RFFL: variants seen among roughly 807,000 people sequenced by gnomAD.
The protein encoded by RFFL is ring finger and FYVE like domain containing E3 ubiquitin protein ligase.
A neutral mutation model predicts 40.4 loss-of-function variants in RFFL; 16 were observed. That is an observed-to-expected ratio of 0.40 (90% CI 0.27 to 0.60). The LOEUF (loss-of-function observed/expected upper bound fraction) is 0.60, where lower values mean the gene tolerates loss of function less well. Ranked by LOEUF, RFFL falls within the 20% of genes least tolerant of loss-of-function variation. The probability of loss-of-function intolerance (pLI) is 0.47; values close to 1 mark genes in which losing one functional copy is unlikely to be tolerated. For missense variants in RFFL, 367 were observed against 451.7 expected (o/e 0.81, Z 1.70); for synonymous variants, 154 against 167.9 (o/e 0.92, Z 0.64).
At chr17:35,038,423 C>T (rs2091140297) in intron 1 of RFFL, among the ~76,000 whole-genome samples, 1 of 152,174 alleles carries the variant, frequency 6.6e-6, no homozygotes, top group African/African-American at 2.4e-5. Flanking sequence ...ACATCTCTTT[C>T]CATGGCTTTG....
chr17:35,086,583 G>C (rs1390257887), intron 1 of RFFL, among the ~76,000 whole-genome samples: 1 of 151,616 alleles, frequency 6.6e-6, no homozygotes, highest in African/African-American at 2.4e-5. Flanking sequence ...AAAATAACCA[G>C]TAATCATCAT....
At chr17:35,066,139 A>G (rs1222692007), upstream of RFFL, among the ~76,000 whole-genome samples, 1 of 152,158 alleles carries the variant, frequency 6.6e-6, no homozygotes, top group African/African-American at 2.4e-5. Context: ...AAAAACAACA[A>G]AAACAGAAAA....
chr17:35,041,601 C>T (rs1050342555), intron 1 of RFFL, among the ~76,000 whole-genome samples: 11 of 145,424 alleles, frequency 7.6e-5, no homozygotes, highest in Admixed American at 1.4e-4. Flanking sequence ...TGTGACCTTT[C>T]GGTTCTTCAC....
At chr17:35,087,036 G>A (rs1012740482) in intron 1 of RFFL, among the ~76,000 whole-genome samples, 26 of 152,110 alleles carry the variant, frequency 1.7e-4, no homozygotes, top group African/African-American at 6.0e-4. Context: ...TTAAATGCTG[G>A]TCACTAAAAA....
intron 1 of RFFL, among the ~76,000 whole-genome samples, chr17:35,084,845 G>A (rs180993073): frequency 1.0e-3 from 153 of 151,056 alleles, no homozygotes; most frequent in African/African-American, 3.5e-3. Flanking sequence ...GCAGTGAACC[G>A]AGATCCAGAG....
intron 1 of RFFL, among the ~76,000 whole-genome samples, chr17:35,082,857 G>A (rs1597846979): frequency 6.6e-6 from 1 of 152,048 alleles, no homozygotes; most frequent in East Asian, 1.9e-4. Context: ...TAAGTAATTT[G>A]CCTAAGGTAG....
chr17:35,023,048 A>G (rs1366545887), intron 2 of RFFL, among the ~76,000 whole-genome samples: 1 of 152,196 alleles, frequency 6.6e-6, no homozygotes, highest in Non-Finnish European at 1.5e-5. Context: ...TCTGGCCAAG[A>G]GCATGTCACA....
At chr17:35,064,468 T>C (rs2091310433), upstream of RFFL, among the ~76,000 whole-genome samples, 1 of 150,686 alleles carries the variant, frequency 6.6e-6, no homozygotes, top group Admixed American at 6.7e-5. Context: ...ATTTAAAAAA[T>C]CAATCTAGAA....
At chr17:35,058,662 T>G (rs756113648) in intron 1 of RFFL, among the ~76,000 whole-genome samples, 28 of 152,130 alleles carry the variant, frequency 1.8e-4, no homozygotes, top group Middle Eastern at 6.8e-3. Context: ...TCCCAGCTAC[T>G]CAGGAGGCTG....
At chr17:35,014,993 G>C (rs1021989473) in intron 5 of RFFL, among the ~76,000 whole-genome samples, 10 of 152,098 alleles carry the variant, frequency 6.6e-5, no homozygotes, top group Non-Finnish European at 1.2e-4. Flanking sequence ...TTGAGATGGA[G>C]CCTCACTCTC....
intron 3 of RFFL, 120 bp downstream of exon 3, chr17:35,021,251 G>C (rs1422510602): frequency 1.7e-5 from 17 of 1,029,588 alleles, no homozygotes; most frequent in Non-Finnish European, 2.2e-5. Context: ...AGTCAGAAAG[G>C]CTTCACATAA....
chr17:35,063,500 C>G (rs1272634468), intron 1 of RFFL, 76 bp downstream of exon 1: 5 of 134,630 alleles, frequency 3.7e-5, no homozygotes, highest in African/African-American at 1.4e-4. Flanking sequence ...TGACTCACTT[C>G]TGAAGACAGG....
At chr17:35,078,808 C>T (rs565650165) in intron 1 of RFFL, among the ~76,000 whole-genome samples, 18 of 151,888 alleles carry the variant, frequency 1.2e-4, no homozygotes, top group African/African-American at 2.2e-4. Flanking sequence ...GATGAAACCC[C>T]GTCTCTACAA....
chr17:35,054,910 G>A (rs1393738662), intron 1 of RFFL, among the ~76,000 whole-genome samples: 1 of 151,114 alleles, frequency 6.6e-6, no homozygotes, highest in African/African-American at 2.4e-5. Flanking sequence ...AGTAAACACC[G>A]ATCCAACAGC....
chr17:35,067,156 C>T (rs1284437630), upstream of RFFL, among the ~76,000 whole-genome samples: 4 of 148,756 alleles, frequency 2.7e-5, no homozygotes, highest in East Asian at 7.9e-4. Context: ...TCACTCTCAT[C>T]GCACAGGCTG....
chr17:35,052,942 A>G (rs2091240232), intron 1 of RFFL, among the ~76,000 whole-genome samples: 1 of 152,230 alleles, frequency 6.6e-6, no homozygotes, highest in African/African-American at 2.4e-5. Flanking sequence ...GAAGAATGAC[A>G]TTCCAAGCCA....
At chr17:35,062,558 G>A (rs2091298231) in intron 1 of RFFL, among the ~76,000 whole-genome samples, 2 of 152,148 alleles carry the variant, frequency 1.3e-5, no homozygotes, top group African/African-American at 4.8e-5. Context: ...TACTATGATT[G>A]GAGTAAATAC....
At chr17:35,056,904 C>CT (rs869118839) in intron 1 of RFFL, among the ~76,000 whole-genome samples, 78 of 146,392 alleles carry the variant, frequency 5.3e-4, no homozygotes, top group South Asian at 1.1e-3. Context: ...TCCCACCACC[C>CT]TTTTTTTTTT....
intron 1 of RFFL, among the ~76,000 whole-genome samples, chr17:35,040,028 G>C (rs578055977): frequency 1.3e-5 from 2 of 152,120 alleles, no homozygotes; most frequent in African/African-American, 4.8e-5. Flanking sequence ...AATCTAGCTT[G>C]AGCCAACCAC....
Sources: gnomAD v4.1 joint callset for allele counts (sites outside exome capture counted in the v4.1 genomes callset) on GRCh38, gnomAD v4.1.1 for gene constraint, MANE v1.5 for transcripts, NCBI Gene and HGNC (gene_info 2026-07-23, HGNC 2026-07-21) for gene names.